Variants in IMMP2L observed in about 807,000 individuals in gnomAD.
IMMP2L encodes inner mitochondrial membrane peptidase subunit 2.
A neutral mutation model predicts 19.3 loss-of-function variants in IMMP2L; 18 were observed. The observed-to-expected ratio is 0.93, with a 90% CI of 0.64 to 1.38. The LOEUF is 1.38. Ranked by LOEUF, IMMP2L falls within the 40% of genes most tolerant of loss-of-function variation. IMMP2L has a pLI of 0.00. For synonymous variants in IMMP2L, 76 were observed against 73.0 expected (o/e 1.04, Z -0.21); for missense variants, 233 against 218.2 (o/e 1.07, Z -0.43).
chr7:110,688,307 A>G (rs760342967), intron 5 of IMMP2L, among the ~76,000 whole-genome samples: 1 of 152,136 alleles, frequency 6.6e-6, no homozygotes, highest in Non-Finnish European at 1.5e-5. Flanking sequence ...AACACTACTC[A>G]TCACCAATTT....
chr7:111,359,488 G>C (rs1029514550), intron 3 of IMMP2L, among the ~76,000 whole-genome samples: 3 of 151,910 alleles, frequency 2.0e-5, no homozygotes, highest in Non-Finnish European at 4.4e-5. Flanking sequence ...TTTTAGTAGA[G>C]ACGGGGTTTC....
At chr7:110,897,341 T>C (rs919617970) in intron 4 of IMMP2L, among the ~76,000 whole-genome samples, 2 of 152,046 alleles carry the variant, frequency 1.3e-5, no homozygotes, top group African/African-American at 2.4e-5. Context: ...GGATAAAAGA[T>C]ACAAATAGGC....
At chr7:111,197,427 T>C (rs921054951) in intron 3 of IMMP2L, among the ~76,000 whole-genome samples, 2 of 151,980 alleles carry the variant, frequency 1.3e-5, no homozygotes, top group African/African-American at 4.8e-5. Context: ...CACGCCACGG[T>C]GCTCCAGCCT....
chr7:110,683,690 G>A (rs539449305), intron 5 of IMMP2L, among the ~76,000 whole-genome samples: 1 of 152,194 alleles, frequency 6.6e-6, no homozygotes, highest in African/African-American at 2.4e-5. Context: ...CTGTGATCAT[G>A]TTAAAGGCAT....
chr7:111,226,220 C>T (rs570480999), intron 3 of IMMP2L, among the ~76,000 whole-genome samples: 4 of 152,076 alleles, frequency 2.6e-5, no homozygotes, highest in African/African-American at 9.6e-5. Context: ...ATGGCACAAT[C>T]ACGGCTCACT....
rs555167790 is a variant in IMMP2L, at chr7:110,746,658, T to C, written c.409-82937A>G. The stretch of plus-strand genomic sequence containing the variant: ...AACCTGCTCCTGAATGACTACTGGG[T>C]ACATAACAAAATGAAGGCAGAAATA... On this transcript the variant is annotated intron_variant, in intron 5 of 5. Transcript: ENST00000405709. 2.5e-3 allele frequency among the ~76,000 whole-genome samples: 379 copies of C among 152,234 alleles called. 2 individuals carry two copies. Among genetic ancestry groups the C allele is most frequent in the African/African-American group, 8.5e-3 (353 of 41,526 alleles).
intron 4 of IMMP2L, among the ~76,000 whole-genome samples, chr7:110,934,759 C>A (rs1467709722): frequency 6.6e-6 from 1 of 152,146 alleles, no homozygotes; most frequent in African/African-American, 2.4e-5. Flanking sequence ...TAATGACCTT[C>A]TTTGTCTTTT....
intron 5 of IMMP2L, among the ~76,000 whole-genome samples, chr7:110,680,826 G>C (rs569233046): frequency 6.6e-6 from 1 of 152,240 alleles, no homozygotes; most frequent in Non-Finnish European, 1.5e-5. Flanking sequence ...GAACATGAAA[G>C]GAGTGATGTG....
chr7:111,229,523 C>T (rs375263820), intron 3 of IMMP2L, among the ~76,000 whole-genome samples: 1 of 151,986 alleles, frequency 6.6e-6, no homozygotes, highest in East Asian at 1.9e-4. Flanking sequence ...CCAAAGGTTG[C>T]CACACCAACT....
intron 3 of IMMP2L, among the ~76,000 whole-genome samples, chr7:110,995,109 A>G (rs1822891539): frequency 6.6e-6 from 1 of 152,134 alleles, no homozygotes; most frequent in Non-Finnish European, 1.5e-5. Context: ...CATGAATATT[A>G]GTCATTTGTT....
chr7:111,078,618 G>C (rs1795613724), intron 3 of IMMP2L, among the ~76,000 whole-genome samples: 1 of 151,980 alleles, frequency 6.6e-6, no homozygotes, highest in East Asian at 1.9e-4. Context: ...TACCAAAGTG[G>C]TATATACAAT....
chr7:111,120,140 T>C (rs1304702085), intron 3 of IMMP2L, among the ~76,000 whole-genome samples: 7 of 152,144 alleles, frequency 4.6e-5, no homozygotes, highest in Non-Finnish European at 1.0e-4. Flanking sequence ...TTGGAAATGA[T>C]TATATTTCAA....
In IMMP2L at chr7:110,870,315, C is replaced by T. The variant is rs901129330; in HGVS notation, c.408+16278G>A. On this transcript the variant is annotated intron_variant, in intron 5 of 5. Transcript: ENST00000405709. This position sits in a 1 kb window ranked among gnomAD's most constrained non-coding sequence, Gnocchi z 4.2. ...TTTCCACTGACTTCTTATTTCTGAACCAGAAGGCATCGCGAGTGCTAAACT... is the reference window on the plus strand; with the variant it reads ...TTTCCACTGACTTCTTATTTCTGAATCAGAAGGCATCGCGAGTGCTAAACT... Among the ~76,000 whole-genome samples the T allele has an allele frequency of 2.0e-5, 3 of 152,008 alleles. No individual in the cohort carries two copies. The highest frequency in any genetic ancestry group is 4.4e-5 in the Non-Finnish European group (3 of 68,008).
intron 3 of IMMP2L, among the ~76,000 whole-genome samples, chr7:111,422,072 C>T (rs1835612511): frequency 6.6e-6 from 1 of 151,730 alleles, no homozygotes; most frequent in South Asian, 2.1e-4. Context: ...TGTTCTGTTC[C>T]ATTGGTCTAT....
At chr7:111,071,423 A>T (rs533745982) in intron 3 of IMMP2L, among the ~76,000 whole-genome samples, 1 of 152,318 alleles carries the variant, frequency 6.6e-6, no homozygotes, top group Non-Finnish European at 1.5e-5. Flanking sequence ...GTACTCAAGC[A>T]AATACATGCA....
At chr7:111,224,069 G>A (rs896292270) in intron 3 of IMMP2L, among the ~76,000 whole-genome samples, 1 of 152,056 alleles carries the variant, frequency 6.6e-6, no homozygotes, top group Non-Finnish European at 1.5e-5. Flanking sequence ...GCCACTCACT[G>A]TGTGGCCTTA....
intron 3 of IMMP2L, among the ~76,000 whole-genome samples, chr7:111,486,061 A>C (rs1381085456): frequency 6.6e-6 from 1 of 152,168 alleles, no homozygotes. Context: ...GGTTGCAAAA[A>C]TAGTACTCGG....
chr7:111,106,078 T>C (rs1798517102), intron 3 of IMMP2L, among the ~76,000 whole-genome samples: 1 of 151,976 alleles, frequency 6.6e-6, no homozygotes, highest in Non-Finnish European at 1.5e-5. Context: ...ACATAGTCTT[T>C]TTCCAAGGAT....
chr7:111,478,583 GTTT>G (rs997836408), intron 3 of IMMP2L, among the ~76,000 whole-genome samples: 1 of 150,418 alleles, frequency 6.6e-6, no homozygotes, highest in African/African-American at 2.5e-5. Context: ...TTGTTTGTTT[GTTT>G]GTTTGTTTTT....
Sources: gnomAD v4.1 joint callset for allele counts (sites outside exome capture counted in the v4.1 genomes callset) on GRCh38, gnomAD v4.1.1 for gene constraint, Gnocchi (gnomAD v3.1) non-coding constraint, MANE v1.5 for transcripts, NCBI Gene and HGNC (gene_info 2026-07-23, HGNC 2026-07-21) for gene names.